The following TMEM219 variants were observed in gnomAD, a reference collection of about 807,000 sequenced individuals.
TMEM219 encodes insulin-like growth factor-binding protein 3 receptor.
Under a neutral mutation model 17.9 loss-of-function variants are expected in TMEM219, and 18 were observed. The ratio of observed to expected loss-of-function variants is 1.01; its 90% confidence interval spans 0.70 to 1.49. The LOEUF (loss-of-function observed/expected upper bound fraction) is 1.49, where lower values mean the gene tolerates loss of function less well. Among genes scored for constraint, TMEM219 ranks in the 40% most tolerant of loss-of-function variants. The pLI is 0.00. For missense variants in TMEM219, 288 were observed against 292.4 expected, an observed-to-expected ratio of 0.99 and a Z score of 0.11; for synonymous variants, 113 against 124.0, an observed-to-expected ratio of 0.91 and a Z score of 0.59.
chr16:29,971,641 G>A (rs1288834555), intron 5 of TMEM219, 63 bp downstream of exon 5: 6 of 1,488,104 alleles, frequency 4.0e-6, no homozygotes, highest in African/African-American at 2.8e-5. Context: ...GGTTGTAACC[G>A]GGGTAGAGCA....
At chr16:29,962,302 A>AG (rs1206500880) in intron 1 of TMEM219, among the ~76,000 whole-genome samples, 170 bp downstream of exon 1, 6 of 151,870 alleles carry the variant, frequency 4.0e-5, no homozygotes, top group Non-Finnish European at 7.4e-5. Flanking sequence ...GCCGGACGGG[A>AG]GGCGGGGCAG....
chr16:29,964,541 G>C (rs1269616486), intron 3 of TMEM219, among the ~76,000 whole-genome samples: 1 of 151,244 alleles, frequency 6.6e-6, no homozygotes, highest in Non-Finnish European at 1.5e-5. Context: ...GGTGCCTGTA[G>C]TCCCAGCTAC....
rs988719586 is a variant in TMEM219 at position 29,963,071 on chromosome 16, G to A, written c.-37-36G>A. ...CTTTCTTTTCTCTTTGCGTAAAAGCGGTGCTCTTGTCCCATTCTCCCTCCC... is the reference window on the plus strand; with the variant it reads ...CTTTCTTTTCTCTTTGCGTAAAAGCAGTGCTCTTGTCCCATTCTCCCTCCC... On this transcript the variant is annotated intron_variant, in intron 1 of 5. Coordinates refer to ENST00000279396, the MANE Select transcript of TMEM219 (RefSeq NM_001083613.2). 19 of 1,534,906 alleles carry A rather than the reference G, an allele frequency of 1.2e-5. No homozygotes were observed. In the Admixed American group the frequency reaches 1.5e-4, roughly 12 times the overall value.
intron 3 of TMEM219, among the ~76,000 whole-genome samples, chr16:29,964,066 G>A (rs951092403): frequency 6.6e-6 from 1 of 151,108 alleles, no homozygotes; most frequent in Non-Finnish European, 1.5e-5. Flanking sequence ...GGCCCACAGC[G>A]GTAATCCCAG....
At chr16:29,971,632 G>A (rs1246489662) in intron 5 of TMEM219, 54 bp downstream of exon 5, 3 of 1,416,814 alleles carry the variant, frequency 2.1e-6, no homozygotes, top group Non-Finnish European at 2.9e-6. Context: ...GGGGGTGGGG[G>A]TTGTAACCGG....
At chr16:29,970,209 G>T (rs2069265593) in intron 4 of TMEM219, among the ~76,000 whole-genome samples, 1 of 151,776 alleles carries the variant, frequency 6.6e-6, no homozygotes. Flanking sequence ...ACTCCAGCCT[G>T]GGCAACAGAG....
intron 3 of TMEM219, among the ~76,000 whole-genome samples, chr16:29,964,586 G>A (rs1266147715): frequency 2.0e-5 from 3 of 151,680 alleles, no homozygotes; most frequent in African/African-American, 7.3e-5. Flanking sequence ...GCTTGAACCT[G>A]GGAGGCGGAG....
At position 29,968,244 on chromosome 16, in the gene TMEM219, T is replaced by C. The variant is rs190481775; in HGVS notation, c.575T>C (p.Leu192Pro). The C allele has an allele frequency of 9.1e-5, 146 of 1,612,704 alleles. No homozygotes were observed. The African/African-American group carries it at 1.7e-3, about 19-fold the overall frequency. ...CATGAAGGCCTTGTGCTGACCAAGC[T>C]GCTCACCTCGGTAAGAGCCTCAGAT... ...WSHEGLVLTK[L>P]LTSEELALCG... Residue 192 changes from leucine (L) to proline (P), a missense_variant, in exon 4 of 6, where the codon CTG becomes CCG. Physicochemically the swap from Leu to Pro is moderately conservative, Grantham distance 98. Transcript: ENST00000279396.
intron 5 of TMEM219, 101 bp downstream of exon 5, chr16:29,971,679 C>A: frequency 8.1e-7 from 1 of 1,234,976 alleles, no homozygotes. Context: ...TCAAAGACTG[C>A]TGCTTCTGAG....
intron 4 of TMEM219, among the ~76,000 whole-genome samples, chr16:29,971,074 G>A (rs574274215): frequency 8.6e-5 from 13 of 150,828 alleles, no homozygotes; most frequent in Non-Finnish European, 1.5e-4. Context: ...GTGAAACCCC[G>A]TCTCTACTAA....
chr16:29,971,667 C>CTACATAAGTGTTAA, intron 5 of TMEM219, 89 bp downstream of exon 5: 1 of 1,316,702 alleles, frequency 7.6e-7, no homozygotes, highest in Non-Finnish European at 1.0e-6. Flanking sequence ...TTGGACTTTT[C>CTACATAAGTGTTAA]CTCAAAGACT....
In TMEM219 at chr16:29,963,493, G is replaced by A; in HGVS notation, c.259G>A (p.Gly87Ser). The part of the protein sequence containing the change: ...TGKWRGSHVV[G>S]LLTTLNFGDG... ...GAAGTGGCGAGGGTCTCACGTCGTGGGCTTGCTGACCACCTTGAACTTCGG... is the reference window on the plus strand; with the variant it reads ...GAAGTGGCGAGGGTCTCACGTCGTGAGCTTGCTGACCACCTTGAACTTCGG... Residue 87 changes from glycine to serine, a missense_variant, in exon 3 of 6, where the codon GGC becomes AGC. Gly to Ser is a moderately conservative substitution (Grantham distance 56). Transcript: ENST00000279396. 1 of 1,614,172 alleles carries A rather than the reference G, an allele frequency of 6.2e-7. No individual in the cohort carries two copies. The highest frequency in any genetic ancestry group is 1.1e-5 in the South Asian group (1 of 91,084).
intron 5 of TMEM219, chr16:29,972,129 TGGG>T (rs1437336820): frequency 6.6e-6 from 1 of 152,526 alleles, no homozygotes; most frequent in Non-Finnish European, 1.5e-5. Context: ...TCCAAGCATT[TGGG>T]TAACAATGGT....
At chr16:29,969,180 G>A (rs1013830226) in intron 4 of TMEM219, among the ~76,000 whole-genome samples, 3 of 145,644 alleles carry the variant, frequency 2.1e-5, no homozygotes, top group African/African-American at 7.6e-5. Flanking sequence ...GCAAGACCTC[G>A]TTTCTTTTTC....
Position 29,971,484 on chromosome 16 carries a change from G to C in TMEM219, c.662G>C (p.Cys221Ser). 6.2e-7 allele frequency: 1 copy of C among 1,614,114 alleles called. No homozygotes were observed. The highest frequency in any genetic ancestry group is 8.5e-7 in the Non-Finnish European group (1 of 1,180,032). Residue 221 changes from cysteine (C) to serine (S), a missense_variant, in exon 5 of 6, where the codon TGT (cysteine) becomes TCT (serine). By Grantham distance (112) the Cys-to-Ser change is moderately radical (BLOSUM62 -1). Coordinates refer to ENST00000279396, the MANE Select transcript of TMEM219 (RefSeq NM_001083613.2). ...FLLLFCGLLC[C>S]VTAMCFHPRR... ...CTTCTCTTCTGTGGCCTTCTCTGCT[G>C]TGTCACTGCTATGTGCTTCCACCCG...
At chr16:29,968,767 T>C (rs2069245896) in intron 4 of TMEM219, among the ~76,000 whole-genome samples, 1 of 152,252 alleles carries the variant, frequency 6.6e-6, no homozygotes, top group South Asian at 2.1e-4. Flanking sequence ...TGGTTTATAA[T>C]GCACAAAGTG....
In TMEM219 at chr16:29,971,518, G is replaced by A. The variant is rs2069288128; in HGVS notation, c.696G>A (p.Glu232=). 9 of 1,613,642 alleles carry A rather than the reference G, an allele frequency of 5.6e-6. No individual in the cohort carries two copies. The highest frequency in any genetic ancestry group is 6.8e-6 in the Non-Finnish European group (8 of 1,179,988). The part of the protein sequence containing the change: ...VTAMCFHPRR[E]SHWSRTRL ...CTATGTGCTTCCACCCGCGCCGGGA[G>A]TCCCACTGGTCTAGAACCCGGCTCT... The change falls in exon 5 of 6, where the codon GAG becomes GAA. Residue 232 remains glutamate (E), a synonymous_variant. Transcript: ENST00000279396.
At chr16:29,970,389 A>G (rs979635550) in intron 4 of TMEM219, among the ~76,000 whole-genome samples, 3 of 149,962 alleles carry the variant, frequency 2.0e-5, no homozygotes, top group Non-Finnish European at 4.4e-5. Flanking sequence ...CAGTGGCGCA[A>G]TCTCAGCTTA....
In TMEM219 at chr16:29,963,527, C is replaced by T. The variant is rs1596575392; in HGVS notation, c.293C>T (p.Pro98Leu). 2.5e-6 allele frequency: 4 copies of T among 1,614,138 alleles called. No individual in the cohort carries two copies. Among genetic ancestry groups the T allele is most frequent in the East Asian group, 2.2e-5 (1 of 44,876 alleles). The change falls in exon 3 of 6, where the codon CCA becomes CTA. Residue 98 changes from proline (P) to leucine (L), a missense_variant. Transcript: ENST00000279396. ...LLTTLNFGDG[P>L]DRNKTRTFQA... ...ACCACCTTGAACTTCGGAGACGGTC[C>T]AGACAGGAACAAGACCCGGACATTC...
Sources: allele counts gnomAD v4.1 joint callset (sites outside exome capture counted in the v4.1 genomes callset), GRCh38; gene constraint gnomAD v4.1.1; transcripts MANE v1.5; gene names NCBI Gene and HGNC (gene_info 2026-07-23, HGNC 2026-07-21).